The following ZSCAN5A variants were observed in gnomAD, a reference collection of about 807,000 sequenced individuals.
The protein encoded by ZSCAN5A is zinc finger and SCAN domain-containing protein 5A.
ZSCAN5A carries 12 observed loss-of-function variants against 23.7 expected under a neutral mutation model. The ratio of observed to expected loss-of-function variants is 0.51; its 90% CI spans 0.32 to 0.82. ZSCAN5A has a LOEUF of 0.82. Among genes scored for constraint, ZSCAN5A ranks in the 40% least tolerant of loss-of-function variants. The pLI is 0.03. For missense variants in ZSCAN5A, 597 were observed against 617.9 expected, an observed-to-expected ratio of 0.97 and a Z score of 0.36; for synonymous variants, 257 against 239.9, an observed-to-expected ratio of 1.07 and a Z score of -0.66.
At chr19:56,273,380 A>G (rs1456649323) in intron 2 of ZSCAN5A, among the ~76,000 whole-genome samples, 2 of 152,210 alleles carry the variant, frequency 1.3e-5, no homozygotes, top group Non-Finnish European at 2.9e-5. Context: ...GTCTTGCCAT[A>G]ACTCTGAGTT....
chr19:56,283,969 C>A (rs1419132867), intron 2 of ZSCAN5A: 1 of 153,190 alleles, frequency 6.5e-6, no homozygotes, highest in African/African-American at 2.4e-5. Context: ...ATCAAATGCA[C>A]GAGGGTCCTC....
intron 2 of ZSCAN5A, chr19:56,338,441 CCT>C (rs1049123052): frequency 6.6e-6 from 1 of 152,152 alleles, no homozygotes; most frequent in African/African-American, 2.4e-5. Flanking sequence ...ATGGCCTTTC[CCT>C]GAGTGCTACT....
At chr19:56,302,792 T>C in intron 2 of ZSCAN5A, 1 of 397,640 alleles carries the variant, frequency 2.5e-6, no homozygotes, top group Non-Finnish European at 4.4e-6. Flanking sequence ...TTTGAAATAC[T>C]GTCACTCATT....
intron 2 of ZSCAN5A, among the ~76,000 whole-genome samples, chr19:56,353,514 A>G (rs904014799): frequency 9.2e-5 from 14 of 152,238 alleles, no homozygotes; most frequent in Admixed American, 5.9e-4. Context: ...TCACGCCTGT[A>G]ATCCCAGCAT....
chr19:56,331,700 G>A lies in ZSCAN5A; in HGVS notation c.-357-15432C>T, dbSNP rs553442078. ...CCTCCTGGGTTCAAGCAATTCTCCC[G>A]CTTCAGCTTCCTGAGTAGCTGACAT... On this transcript the variant is annotated intron_variant, in intron 2 of 6. Coordinates refer to the ZSCAN5A transcript ENST00000587340. Among the ~76,000 whole-genome samples the A allele has an allele frequency of 1.3e-4, 18 of 138,956 alleles. No homozygotes were observed. The South Asian group carries it at 4.1e-3, about 32-fold the overall frequency. 91.2% of individuals were successfully genotyped at this position (138,956 alleles called of 152,430 possible). A position where few individuals can be genotyped will look rare whatever the true frequency, so the allele number is the denominator to read the frequency against.
chr19:56,285,869 CCTAT>C (rs1247187105), intron 2 of ZSCAN5A, among the ~76,000 whole-genome samples: 3 of 152,110 alleles, frequency 2.0e-5, no homozygotes, highest in African/African-American at 7.2e-5. Flanking sequence ...TTTGCAAATT[CCTAT>C]CTGTTAAGTT....
chr19:56,259,435 T>C (rs531390892), intron 2 of ZSCAN5A, among the ~76,000 whole-genome samples: 37 of 152,292 alleles, frequency 2.4e-4, no homozygotes, highest in Admixed American at 1.8e-3. Flanking sequence ...TCTCAGTCTC[T>C]AGAATTCAAT....
In ZSCAN5A at chr19:56,224,452, T is replaced by C. The variant is rs981478245; in HGVS notation, c.384+211A>G. 20 of 739,156 alleles carry C rather than the reference T, an allele frequency of 2.7e-5. No homozygotes were observed. The African/African-American group carries it at 2.9e-4, about 11-fold the overall frequency. The allele number at this position is 739,156 out of a possible 1,614,324, so 45.8% of individuals were successfully genotyped here. A position where few individuals can be genotyped will look rare whatever the true frequency, so the allele number is the denominator to read the frequency against. On this transcript the variant is annotated intron_variant, in intron 3 of 5. Transcript: ENST00000683990. ...GATTATTTGTCATGATGGGTTGTCC[T>C]GAGCGTTAGAGAACGCTTAGCAGCG...
intron 2 of ZSCAN5A, among the ~76,000 whole-genome samples, chr19:56,334,736 C>A (rs559965525): frequency 2.0e-5 from 3 of 152,086 alleles, no homozygotes; most frequent in Non-Finnish European, 2.9e-5. Flanking sequence ...CCTAGCAAAC[C>A]ACAGCAGCCC....
intron 2 of ZSCAN5A, chr19:56,322,365 C>T (rs2041385263): frequency 2.7e-6 from 2 of 752,098 alleles, no homozygotes; most frequent in African/African-American, 3.4e-5. Flanking sequence ...TTCCCCTATT[C>T]CACACCTCTC....
intron 2 of ZSCAN5A, chr19:56,320,395 G>T: frequency 3.0e-6 from 1 of 335,982 alleles, no homozygotes; most frequent in Non-Finnish European, 5.7e-6. Context: ...GCGTGGTGAT[G>T]TCCTGACCAA....
intron 2 of ZSCAN5A, chr19:56,347,319 G>C (rs932963842): frequency 6.6e-6 from 1 of 152,250 alleles, no homozygotes; most frequent in Non-Finnish European, 1.5e-5. Flanking sequence ...AAGGTGATAG[G>C]CGCGGGGCTT....
chr19:56,316,828 G>A (rs1435532036), upstream of ZSCAN5A: 5 of 152,148 alleles, frequency 3.3e-5, no homozygotes, highest in Admixed American at 3.3e-4. Context: ...TCTGTTTATG[G>A]TTTCTCAGGC....
chr19:56,239,960 A>C (rs184766950), intron 2 of ZSCAN5A, among the ~76,000 whole-genome samples: 1,666 of 152,210 alleles, frequency 0.011, 32 homozygotes, highest in African/African-American at 0.038. Flanking sequence ...TCAGGAGTTC[A>C]AGACCAGCCT....
chr19:56,247,013 C>A, intron 2 of ZSCAN5A: 1 of 1,079,828 alleles, frequency 9.3e-7, no homozygotes, highest in Non-Finnish European at 1.4e-6. Flanking sequence ...CCTGCAGGTG[C>A]AGTCAGTCAC....
chr19:56,236,393 C>T (rs1468270158), intron 2 of ZSCAN5A, among the ~76,000 whole-genome samples: 5 of 96,074 alleles, frequency 5.2e-5, no homozygotes, highest in East Asian at 3.3e-4. Context: ...CTCTGATGGA[C>T]GGTGGGCCAA....
intron 2 of ZSCAN5A, among the ~76,000 whole-genome samples, chr19:56,336,291 T>C (rs1448690304): frequency 6.6e-6 from 1 of 152,244 alleles, no homozygotes; most frequent in Non-Finnish European, 1.5e-5. Flanking sequence ...TTCTTTTTAC[T>C]CTTTTTTCTC....
At chr19:56,278,453 G>A (rs961518525) in intron 2 of ZSCAN5A, among the ~76,000 whole-genome samples, 1 of 152,166 alleles carries the variant, frequency 6.6e-6, no homozygotes, top group South Asian at 2.1e-4. Context: ...TATTTTGGTT[G>A]AAGCAAATGA....
intron 2 of ZSCAN5A, among the ~76,000 whole-genome samples, chr19:56,271,981 C>T (rs1458457355): frequency 2.6e-5 from 4 of 152,158 alleles, no homozygotes; most frequent in East Asian, 1.9e-4. Flanking sequence ...AACTTAATGG[C>T]TACAACAGTA....
Sources: allele counts gnomAD v4.1 joint callset (sites outside exome capture counted in the v4.1 genomes callset), GRCh38; gene constraint gnomAD v4.1.1; transcripts MANE v1.5; gene names NCBI Gene and HGNC (gene_info 2026-07-23, HGNC 2026-07-21).